The following SMC4 variants were observed in gnomAD, a reference collection of about 807,000 sequenced individuals.
SMC4 encodes the protein structural maintenance of chromosomes protein 4.
A neutral mutation model predicts 145.6 loss-of-function variants in SMC4; 87 were observed. The observed-to-expected ratio is 0.60, with a 90% CI of 0.50 to 0.71. The LOEUF (loss-of-function observed/expected upper bound fraction) is 0.71, where lower values mean the gene tolerates loss of function less well. Among genes scored for constraint, SMC4 ranks in the 30% least tolerant of loss-of-function variants. The probability of loss-of-function intolerance (pLI) is 0.00; values close to 1 mark genes in which losing one functional copy is unlikely to be tolerated. For synonymous variants in SMC4, 558 were observed against 500.7 expected (o/e 1.11, Z -1.53); for missense variants, 1,447 against 1,537.1 (o/e 0.94, Z 0.98).
chr3:160,405,412 G>A (rs1715221200), intron 5 of SMC4, among the ~76,000 whole-genome samples: 2 of 151,720 alleles, frequency 1.3e-5, no homozygotes, highest in Admixed American at 6.6e-5. Flanking sequence ...CAGAATCACC[G>A]AAGCATAATA....
rs778267560 is a variant in SMC4, at chr3:160,433,113, T to C, written c.3618T>C (p.Ala1206=). 23 of 1,613,214 alleles carry C rather than the reference T, an allele frequency of 1.4e-5. No homozygotes were observed. The South Asian group carries it at 2.5e-4, about 18-fold the overall frequency. The change falls in exon 23 of 24, where the codon GCT becomes GCC. Residue 1206 remains alanine, a synonymous_variant. Coordinates refer to ENST00000357388, the MANE Select transcript of SMC4 (RefSeq NM_001002800.3). ...KTLSSLALVF[A]LHHYKPTPLY... is the part of the protein sequence containing the mutation. The stretch of plus-strand genomic sequence containing the variant: ...TTAGTTCATTGGCTTTAGTATTTGC[T>C]CTTCACCACTACAAGCCCACTCCCC...
intron 18 of SMC4, among the ~76,000 whole-genome samples, chr3:160,430,378 A>G (rs563986992): frequency 4.5e-4 from 69 of 152,366 alleles, no homozygotes; most frequent in African/African-American, 1.6e-3. Flanking sequence ...AGCAGCTTAT[A>G]TAAGAAAGGC....
chr3:160,427,490 A>G (rs543790124), intron 17 of SMC4, among the ~76,000 whole-genome samples: 8 of 152,288 alleles, frequency 5.3e-5, no homozygotes, highest in African/African-American at 7.2e-5. Flanking sequence ...CTGATGGTCA[A>G]TTGAGAAGCC....
chr3:160,403,609 A>C (rs1026834300), intron 4 of SMC4, among the ~76,000 whole-genome samples: 5 of 152,052 alleles, frequency 3.3e-5, no homozygotes, highest in Admixed American at 2.6e-4. Context: ...ATCTATTTTA[A>C]TTTGGTTTCT....
intron 7 of SMC4, chr3:160,412,879 C>G: frequency 1.1e-6 from 1 of 905,890 alleles, no homozygotes; most frequent in Non-Finnish European, 1.3e-6. Context: ...TTACTGTACT[C>G]AGTCCTTTTA....
Position 160,417,758 on chromosome 3 carries a change from G to A in SMC4, c.1473G>A (p.Ser491=). The change falls in exon 11 of 24, where the codon TCG becomes TCA. Residue 491 remains serine (S), a synonymous_variant. Transcript: ENST00000357388. The part of the protein sequence containing the change: ...REKELMGFSK[S]VNEARSKMDV... ...AAGAACTTATGGGTTTCAGCAAATCGGTAAATGAAGCACGTTCAAAGATGG... is the reference window on the plus strand; with the variant it reads ...AAGAACTTATGGGTTTCAGCAAATCAGTAAATGAAGCACGTTCAAAGATGG... 2.5e-6 allele frequency: 4 copies of A among 1,612,768 alleles called. No individual in the cohort carries two copies. The highest frequency in any genetic ancestry group is 1.7e-6 in the Non-Finnish European group (2 of 1,179,720).
intron 17 of SMC4, 99 bp from the exon 18 acceptor site, chr3:160,428,654 G>T: frequency 3.8e-6 from 4 of 1,049,110 alleles, no homozygotes; most frequent in Non-Finnish European, 4.0e-6. Flanking sequence ...TTGTTTTAAT[G>T]CATCACGTCA....
Position 160,402,104 on chromosome 3 carries a change from G to A in SMC4, c.318+11G>A. 2 of 1,485,546 alleles carry A rather than the reference G, an allele frequency of 1.3e-6. No individual in the cohort carries two copies. Among genetic ancestry groups the A allele is most frequent in the Non-Finnish European group, 1.8e-6 (2 of 1,113,504 alleles). 92.0% of individuals were successfully genotyped at this position (1,485,546 alleles called of 1,614,324 possible). A position where few individuals can be genotyped will look rare whatever the true frequency, so the allele number is the denominator to read the frequency against. On this transcript the variant is annotated intron_variant, in intron 3 of 23. Transcript: ENST00000357388. ...GGACCTTTCCATAAGGTATTTGTATGGAAATAACTATTTTATAACTTTTTA... is the reference window on the plus strand; with the variant it reads ...GGACCTTTCCATAAGGTATTTGTATAGAAATAACTATTTTATAACTTTTTA...
chr3:160,431,816 T>C lies in SMC4; in HGVS notation c.3288T>C (p.Tyr1096=), dbSNP rs1718437948. Residue 1096 remains tyrosine, a synonymous_variant, in exon 21 of 24, where the codon TAT becomes TAC. Coordinates refer to ENST00000357388, the MANE Select transcript of SMC4 (RefSeq NM_001002800.3). The stretch of plus-strand genomic sequence containing the variant: ...CAAACCTCGGTGCCATCGCAGAGTA[T>C]AAAAAGAAGGTATGAATGAACTGTG... ...MKPNLGAIAE[Y]KKKEELYLQR... The C allele has an allele frequency of 1.9e-6, 3 of 1,611,664 alleles. No individual in the cohort carries two copies. In the African/African-American group the frequency reaches 4.0e-5, roughly 22 times the overall value.
Position 160,417,954 on chromosome 3 carries a change from G to A in SMC4, c.1669G>A (p.Glu557Lys), listed in dbSNP as rs200043543. Residue 557 changes from glutamate (E) to lysine (K), a missense_variant and splice_region_variant, in exon 11 of 24, where the codon GAG (glutamate) becomes AAG (lysine). Physicochemically the swap from Glu to Lys is moderately conservative, Grantham distance 56 (BLOSUM62 1). Transcript: ENST00000357388. Reference protein sequence around the residue: ...KLPQTEQELKEKEKELQKLTQ... With the variant: ...KLPQTEQELKKKEKELQKLTQ... Reference sequence around the variant, plus strand: ...CCCTCAAACTGAACAAGAATTAAAGGAGGTAAATCTTTGCTTCTCTGTTGC... The same window carrying A: ...CCCTCAAACTGAACAAGAATTAAAGAAGGTAAATCTTTGCTTCTCTGTTGC... 6.9e-6 allele frequency: 11 copies of A among 1,605,810 alleles called. No homozygotes were observed. Among genetic ancestry groups the A allele is most frequent in the Middle Eastern group, 1.6e-4 (1 of 6,068 alleles).
rs930112586 is a variant in SMC4, at chr3:160,420,999, G to A, written c.2019+98G>A. The A allele has an allele frequency of 1.3e-4, 127 of 990,690 alleles. No individual in the cohort carries two copies. In the African/African-American group the frequency reaches 2.0e-3, roughly 15 times the overall value. The allele number at this position is 990,690 out of a possible 1,614,324, so 61.4% of individuals were successfully genotyped here. ...GGCTGGAGTGCAGTGGCATGATCTT[G>A]GCTCACTGCAAGCTCCGCCTCCCGG... is the stretch of plus-strand genomic sequence containing the variant. On this transcript the variant is annotated intron_variant, in intron 13 of 23. Coordinates refer to ENST00000357388, the MANE Select transcript of SMC4 (RefSeq NM_001002800.3).
At chr3:160,417,617 T>A in intron 10 of SMC4, 106 bp from the exon 11 acceptor site, 1 of 892,042 alleles carries the variant, frequency 1.1e-6, no homozygotes, top group Non-Finnish European at 1.7e-6. Flanking sequence ...TATACTGTGC[T>A]TATAGAATCT....
At chr3:160,418,748 G>T (rs1716850863) in intron 11 of SMC4, among the ~76,000 whole-genome samples, 1 of 152,120 alleles carries the variant, frequency 6.6e-6, no homozygotes, top group Non-Finnish European at 1.5e-5. Context: ...AAATCTAGTG[G>T]ATGGAGGAAT....
In SMC4 at chr3:160,417,920, AG is replaced by A; in HGVS notation, c.1637del (p.Gly546GlufsTer10). On this transcript the variant is annotated frameshift_variant, in exon 11 of 24. Coordinates refer to ENST00000357388, the MANE Select transcript of SMC4 (RefSeq NM_001002800.3). LOFTEE classifies it high-confidence loss of function. ...ERKAAIRDIE[G>X]KLPQTEQELK... ...GGAAAGCTGCAATCAGAGATATAGA[AG>A]GAAAACTCCCTCAAACTGAACAAGA... 1 of 1,612,654 alleles carries A rather than the reference AG, an allele frequency of 6.2e-7. No individual in the cohort carries two copies. The highest frequency in any genetic ancestry group is 8.5e-7 in the Non-Finnish European group (1 of 1,179,484).
At chr3:160,413,833 C>T in intron 8 of SMC4, 1 of 360,508 alleles carries the variant, frequency 2.8e-6, no homozygotes, top group South Asian at 3.4e-5. Context: ...ATGCTACCCC[C>T]TAGTGGCGTA....
At chr3:160,429,068 T>C (rs1439418455) in intron 18 of SMC4, 126 bp downstream of exon 18, 1 of 753,038 alleles carries the variant, frequency 1.3e-6, no homozygotes, top group African/African-American at 1.8e-5. Context: ...GTCTGACACA[T>C]TACCTAATGG....
At chr3:160,433,382 T>C (rs1203232763) in intron 23 of SMC4, 173 bp downstream of exon 23, 7 of 556,242 alleles carry the variant, frequency 1.3e-5, no homozygotes, top group Non-Finnish European at 1.8e-5. Flanking sequence ...GAACCAAATA[T>C]TTCCATTTTG....
At chr3:160,431,492 ATT>A in intron 20 of SMC4, 149 bp from the exon 21 acceptor site, 1 of 690,382 alleles carries the variant, frequency 1.4e-6, no homozygotes, top group South Asian at 2.1e-5. Flanking sequence ...TGTTACAACT[ATT>A]TTTCTTGAAG....
chr3:160,409,352 T>TA (rs56658671), intron 5 of SMC4, among the ~76,000 whole-genome samples: 30 of 147,160 alleles, frequency 2.0e-4, no homozygotes, highest in East Asian at 2.0e-3. Flanking sequence ...ATCCTGCCTT[T>TA]AAAAAAAAAA....
Sources: allele counts gnomAD v4.1 joint callset (sites outside exome capture counted in the v4.1 genomes callset), GRCh38; gene constraint gnomAD v4.1.1; transcripts MANE v1.5; gene names NCBI Gene and HGNC (gene_info 2026-07-23, HGNC 2026-07-21).